Variants in PALLD observed in about 807,000 individuals in gnomAD.
The protein encoded by PALLD is palladin, cytoskeletal associated protein, also known as palladin.
Under a neutral mutation model 123.5 loss-of-function variants are expected in PALLD, and 61 were observed. The observed-to-expected ratio is 0.49, with a 90% CI of 0.40 to 0.61. PALLD has a LOEUF of 0.61. Ranked by LOEUF, PALLD falls within the 20% of genes least tolerant of loss-of-function variation. PALLD has a pLI of 0.00. For missense variants in PALLD, 1,273 were observed against 1,377.0 expected (o/e 0.92, Z 1.20); for synonymous variants, 465 against 496.4 (o/e 0.94, Z 0.84).
chr4:168,734,613 G>A (rs1787540935), intron 10 of PALLD, among the ~76,000 whole-genome samples: 1 of 152,038 alleles, frequency 6.6e-6, no homozygotes, highest in Admixed American at 6.6e-5. Context: ...ATCTTCATTA[G>A]CCGTTACTAT....
chr4:168,678,384 A>C (rs1029446940), intron 3 of PALLD, among the ~76,000 whole-genome samples: 3 of 152,190 alleles, frequency 2.0e-5, no homozygotes, highest in African/African-American at 7.2e-5. Context: ...CCCAGCGTCC[A>C]TCCTCAGGGA....
At chr4:168,792,221 C>CA (rs1581490335) in intron 10 of PALLD, among the ~76,000 whole-genome samples, 1 of 152,064 alleles carries the variant, frequency 6.6e-6, no homozygotes, top group South Asian at 2.1e-4. Flanking sequence ...CTGGAGTCCC[C>CA]AGCTTCCTTG....
chr4:168,526,397 G>A (rs1270355736), intron 2 of PALLD, among the ~76,000 whole-genome samples: 1 of 152,186 alleles, frequency 6.6e-6, no homozygotes, highest in Non-Finnish European at 1.5e-5. Flanking sequence ...TGTTCTGGTT[G>A]AAATGTTAAA....
intron 2 of PALLD, among the ~76,000 whole-genome samples, chr4:168,605,253 T>TA (rs5863946): frequency 1.3e-5 from 2 of 149,538 alleles, no homozygotes; most frequent in South Asian, 4.2e-4. Flanking sequence ...TTTGGGGGAT[T>TA]AAAAAAAAAA....
At chr4:168,597,034 C>A (rs1772059910) in intron 2 of PALLD, among the ~76,000 whole-genome samples, 1 of 151,646 alleles carries the variant, frequency 6.6e-6, no homozygotes, top group Admixed American at 6.6e-5. Context: ...AAAGAATCAA[C>A]AAATAATTGA....
chr4:168,781,305 T>C (rs1735889581), intron 10 of PALLD, among the ~76,000 whole-genome samples: 1 of 152,224 alleles, frequency 6.6e-6, no homozygotes, highest in Non-Finnish European at 1.5e-5. Flanking sequence ...TTTGGGGGTA[T>C]CTTCCTTCCC....
chr4:168,603,158 A>C (rs1561294952), intron 2 of PALLD, among the ~76,000 whole-genome samples: 1 of 152,172 alleles, frequency 6.6e-6, no homozygotes, highest in African/African-American at 2.4e-5. Context: ...TTTATCTCTA[A>C]TTTAAGGACT....
At chr4:168,714,981 T>C (rs1029811503) in intron 10 of PALLD, among the ~76,000 whole-genome samples, 6 of 152,018 alleles carry the variant, frequency 3.9e-5, no homozygotes, top group Admixed American at 1.3e-4. Context: ...TTTCTCTAAC[T>C]AGGCCCAGCC....
chr4:168,838,170 T>C (rs1468993469), intron 10 of PALLD, among the ~76,000 whole-genome samples: 1 of 152,154 alleles, frequency 6.6e-6, no homozygotes, highest in Non-Finnish European at 1.5e-5. Context: ...TGGGGAGGTA[T>C]CCAAGAATGA....
intron 1 of PALLD, chr4:168,504,852 T>C (rs1346664135): frequency 1.3e-5 from 2 of 152,214 alleles, no homozygotes; most frequent in Non-Finnish European, 1.5e-5. Flanking sequence ...ACCACTTTAA[T>C]GGCGTTGGTG....
At chr4:168,739,105 C>T (rs1474660355) in intron 10 of PALLD, among the ~76,000 whole-genome samples, 2 of 152,048 alleles carry the variant, frequency 1.3e-5, no homozygotes, top group African/African-American at 2.4e-5. Flanking sequence ...GACAGCCTTT[C>T]GTTATTTTTT....
Position 168,511,496 on chromosome 4 carries a change from C to T in PALLD, c.-9C>T, listed in dbSNP as rs199737120. 2.7e-5 allele frequency: 43 copies of T among 1,609,386 alleles called. No individual in the cohort carries two copies. Among genetic ancestry groups the T allele is most frequent in the South Asian group, 1.6e-4 (15 of 90,984 alleles). ...AAGCAGACACAGAGTGCATGAAGAC[C>T]GTTCAAATATGTCAGGGACCTCCTC... On this transcript the variant is annotated 5_prime_UTR_variant, in exon 2 of 22. Transcript: ENST00000505667.
rs1312747427 is a variant in PALLD at position 168,891,048 on chromosome 4, T to C, written c.2091T>C (p.Asn697=). ...GCTTCAAGGAGGACCTCCTGAACAA[T>C]GGCCAGCCGGTACTGATAGATTTGG... ...KLRFKEDLLN[N]GQPRLTYEER... The change falls in exon 11 of 22, where the codon AAT becomes AAC. Residue 697 remains asparagine (N), a synonymous_variant. Coordinates refer to ENST00000505667, the MANE Select transcript of PALLD (RefSeq NM_001166108.2). 6.2e-7 allele frequency: 1 copy of C among 1,614,012 alleles called. No homozygotes were observed. The highest frequency in any genetic ancestry group is 1.1e-5 in the South Asian group (1 of 91,090).
chr4:168,907,121 G>GATA (rs149118003), intron 15 of PALLD, among the ~76,000 whole-genome samples: 17 of 150,978 alleles, frequency 1.1e-4, no homozygotes, highest in South Asian at 4.2e-4. Flanking sequence ...AAATGAGGAT[G>GATA]ATAATAATAA....
At chr4:168,573,173 G>C (rs1769173071) in intron 2 of PALLD, among the ~76,000 whole-genome samples, 1 of 151,412 alleles carries the variant, frequency 6.6e-6, no homozygotes, top group Admixed American at 6.6e-5. Flanking sequence ...CTTCTGCCTG[G>C]AGTGCTCTTT....
At chr4:168,588,160 C>A (rs1164169681) in intron 2 of PALLD, among the ~76,000 whole-genome samples, 1 of 152,068 alleles carries the variant, frequency 6.6e-6, no homozygotes, top group Non-Finnish European at 1.5e-5. Flanking sequence ...CTTTTCTTCT[C>A]CCTTGACCCC....
intron 10 of PALLD, among the ~76,000 whole-genome samples, chr4:168,729,858 G>A (rs530797355): frequency 4.7e-4 from 72 of 152,192 alleles, no homozygotes; most frequent in African/African-American, 1.6e-3. Flanking sequence ...TAAGAGTATG[G>A]GTTTTTCCTA....
At chr4:168,520,262 C>G (rs1033465812) in intron 2 of PALLD, among the ~76,000 whole-genome samples, 1 of 144,730 alleles carries the variant, frequency 6.9e-6, no homozygotes, top group Non-Finnish European at 1.5e-5. Flanking sequence ...GGAGGCGGAG[C>G]TTACAGTGAG....
intron 2 of PALLD, among the ~76,000 whole-genome samples, chr4:168,526,271 ATG>A (rs1459589502): frequency 6.6e-6 from 1 of 152,104 alleles, no homozygotes; most frequent in East Asian, 1.9e-4. Context: ...ATTGTTGCAT[ATG>A]TGTTTTTTCT....
Sources: gnomAD v4.1 joint callset for allele counts (sites outside exome capture counted in the v4.1 genomes callset) on GRCh38, gnomAD v4.1.1 for gene constraint, MANE v1.5 for transcripts, NCBI Gene and HGNC (gene_info 2026-07-23, HGNC 2026-07-21) for gene names.